HSBP1: variants seen among roughly 807,000 people sequenced by gnomAD.
HSBP1 encodes the protein heat shock factor binding protein 1.
A neutral mutation model predicts 9.6 loss-of-function variants in HSBP1; 5 were observed. The observed-to-expected ratio is 0.52, with a 90% CI of 0.27 to 1.09. HSBP1 has a LOEUF of 1.09. Among genes scored for constraint, HSBP1 ranks in the 50% least tolerant of loss-of-function variants. The probability of loss-of-function intolerance (pLI) is 0.11; values close to 1 mark genes in which losing one functional copy is unlikely to be tolerated. For missense variants in HSBP1, 121 were observed against 96.3 expected, an observed-to-expected ratio of 1.26 and a Z score of -1.07; for synonymous variants, 42 against 33.3, an observed-to-expected ratio of 1.26 and a Z score of -0.90.
Position 83,812,892 on chromosome 16 carries a change from C to T in HSBP1, c.*1474C>T, listed in dbSNP as rs1433057372. ...GGTTGCGGTTGTAGGAGAGTTGTGA[C>T]TTAGGCAGGAGTCGACCTCCTCAAG... On this transcript the variant is annotated 3_prime_UTR_variant, in exon 4 of 4. Coordinates refer to ENST00000433866, the MANE Select transcript of HSBP1 (RefSeq NM_001537.4). 6.6e-6 allele frequency: 1 copy of T among 152,190 alleles called. No homozygotes were observed. The highest frequency in any genetic ancestry group is 6.5e-5 in the Admixed American group (1 of 15,282). The allele number at this position is 152,190 out of a possible 1,614,324, so 9.4% of individuals were successfully genotyped here. A position where few individuals can be genotyped will look rare whatever the true frequency, so the allele number is the denominator to read the frequency against.
rs1219796343 is a variant in HSBP1 at position 83,814,414 on chromosome 16, A to G, written c.*2996A>G. ...CACAGCTGGTAATGATGACCCTGGA[A>G]TGTCCTCACAGCTGCACACCTGCAC... On this transcript the variant is annotated 3_prime_UTR_variant, in exon 4 of 4. Coordinates refer to ENST00000433866, the MANE Select transcript of HSBP1 (RefSeq NM_001537.4). 1.3e-5 allele frequency: 2 copies of G among 152,318 alleles called. No homozygotes were observed. The highest frequency in any genetic ancestry group is 4.8e-5 in the African/African-American group (2 of 41,452). 9.4% of individuals were successfully genotyped at this position (152,318 alleles called of 1,614,324 possible). A position where few individuals can be genotyped will look rare whatever the true frequency, so the allele number is the denominator to read the frequency against.
chr16:83,817,942 C>T lies in HSBP1; in HGVS notation c.*6524C>T, dbSNP rs1465016910. The T allele has an allele frequency of 1.3e-5, 2 of 152,186 alleles. No individual in the cohort carries two copies. The highest frequency in any genetic ancestry group is 2.9e-5 in the Non-Finnish European group (2 of 68,038). 9.4% of individuals were successfully genotyped at this position (152,186 alleles called of 1,614,324 possible). A position where few individuals can be genotyped will look rare whatever the true frequency, so the allele number is the denominator to read the frequency against. ...TGCCCTCAAAAGAAATCAGCCTTTCCCTTTGATAGGTATCTCTCCTGCAAG... is the reference window on the plus strand; with the variant it reads ...TGCCCTCAAAAGAAATCAGCCTTTCTCTTTGATAGGTATCTCTCCTGCAAG... On this transcript the variant is annotated 3_prime_UTR_variant, in exon 4 of 4. Transcript: ENST00000433866.
chr16:83,812,361 C>G lies in HSBP1; in HGVS notation c.*943C>G, dbSNP rs188369422. 8 of 152,262 alleles carry G rather than the reference C, an allele frequency of 5.3e-5. No homozygotes were observed. Among genetic ancestry groups the G allele is most frequent in the Non-Finnish European group, 1.0e-4 (7 of 68,022 alleles). 9.4% of individuals were successfully genotyped at this position (152,262 alleles called of 1,614,324 possible). On this transcript the variant is annotated 3_prime_UTR_variant, in exon 4 of 4. Transcript: ENST00000433866. The stretch of plus-strand genomic sequence containing the variant: ...AAACACTATTTTACTTAAACTGTTT[C>G]TTATCTAAATTCTTGCAGAGTGTCA...
chr16:83,808,653 GTGTT>G lies in HSBP1; in HGVS notation c.46-17_46-14del, dbSNP rs772447979. Reference sequence around the variant, plus strand: ...AGTTGTCTCAGGATCGATGTGGACCGTGTTTGTTTGTTTCGGTTTTTCTTAGGTG... The same window carrying G: ...AGTTGTCTCAGGATCGATGTGGACCGTGTTTGTTTCGGTTTTTCTTAGGTG... On this transcript the variant is annotated intron_variant, in intron 1 of 3. Coordinates refer to ENST00000433866, the MANE Select transcript of HSBP1 (RefSeq NM_001537.4). The G allele has an allele frequency of 1.5e-4, 235 of 1,592,122 alleles. No individual in the cohort carries two copies. In the East Asian group the frequency reaches 4.1e-3, roughly 28 times the overall value.
Position 83,817,328 on chromosome 16 carries a change from C to A in HSBP1, c.*5910C>A, listed in dbSNP as rs776937416. Reference sequence around the variant, plus strand: ...AATCCATGTGTCACGCATGCCCCAACAATTTGTGTCCCAACTGTTTGAATC... The same window carrying A: ...AATCCATGTGTCACGCATGCCCCAAAAATTTGTGTCCCAACTGTTTGAATC... On this transcript the variant is annotated 3_prime_UTR_variant, in exon 4 of 4. Transcript: ENST00000433866. 2.6e-5 allele frequency: 4 copies of A among 152,256 alleles called. No homozygotes were observed. The highest frequency in any genetic ancestry group is 4.8e-5 in the African/African-American group (2 of 41,468). The allele number at this position is 152,256 out of a possible 1,614,324, so 9.4% of individuals were successfully genotyped here.
rs915439573 is a variant in HSBP1 at position 83,814,551 on chromosome 16, C to G, written c.*3133C>G. 2 of 152,398 alleles carry G rather than the reference C, an allele frequency of 1.3e-5. No homozygotes were observed. The highest frequency in any genetic ancestry group is 1.3e-4 in the Admixed American group (2 of 15,306). 9.4% of individuals were successfully genotyped at this position (152,398 alleles called of 1,614,324 possible). A position where few individuals can be genotyped will look rare whatever the true frequency, so the allele number is the denominator to read the frequency against. ...ACTGCTCACGAACACAGCTGATCGT[C>G]TGCCTCTTCGTGTGAGCTGAGCTCC... On this transcript the variant is annotated 3_prime_UTR_variant, in exon 4 of 4. Transcript: ENST00000433866.
rs919024436 is a variant in HSBP1 at position 83,815,197 on chromosome 16, C to G, written c.*3779C>G. On this transcript the variant is annotated 3_prime_UTR_variant, in exon 4 of 4. Transcript: ENST00000433866. The stretch of plus-strand genomic sequence containing the variant: ...GCAAGTCACTGCCCAAAAACAAAAC[C>G]AGAGGAATTGTGATTGAACATTGCA... 2 of 151,966 alleles carry G rather than the reference C, an allele frequency of 1.3e-5. No homozygotes were observed. Among genetic ancestry groups the G allele is most frequent in the African/African-American group, 4.8e-5 (2 of 41,340 alleles). The allele number at this position is 151,966 out of a possible 1,614,324, so 9.4% of individuals were successfully genotyped here.
rs181909800 is a variant in HSBP1 at position 83,808,800 on chromosome 16, G to A, written c.112+54G>A. 1.1e-3 allele frequency: 1,354 copies of A among 1,286,732 alleles called. 2 individuals are homozygous for A. The highest frequency in any genetic ancestry group is 1.3e-3 in the Non-Finnish European group (1,195 of 900,816). 79.7% of individuals were successfully genotyped at this position (1,286,732 alleles called of 1,614,324 possible). A position where few individuals can be genotyped will look rare whatever the true frequency, so the allele number is the denominator to read the frequency against. ...TGTGGGCCTTTGGAGCCTATTTGCCGGGCAGTGGTGGGGATAAATGAGTAG... is the reference window on the plus strand; with the variant it reads ...TGTGGGCCTTTGGAGCCTATTTGCCAGGCAGTGGTGGGGATAAATGAGTAG... On this transcript the variant is annotated intron_variant, in intron 2 of 3. Coordinates refer to ENST00000433866, the MANE Select transcript of HSBP1 (RefSeq NM_001537.4).
chr16:83,808,596 C>G (rs1164001499), intron 1 of HSBP1, 84 bp from the exon 2 acceptor site: 1 of 1,108,292 alleles, frequency 9.0e-7, no homozygotes, highest in African/African-American at 1.6e-5. Flanking sequence ...GGCTGGAACC[C>G]CGGGACCAGG....
In HSBP1 at chr16:83,809,287, TG is replaced by T. The variant is rs778362930; in HGVS notation, c.113-17del. The T allele has an allele frequency of 6.0e-5, 89 of 1,485,676 alleles. No individual in the cohort carries two copies. In the African/African-American group the frequency reaches 1.1e-3, roughly 19 times the overall value. 92.0% of individuals were successfully genotyped at this position (1,485,676 alleles called of 1,614,324 possible). Reference sequence around the variant, plus strand: ...GGCTCAATGAGATGTTGGCACGCGTTGTCTTTAACTTCAGCACTTGATGATA... The same window carrying T: ...GGCTCAATGAGATGTTGGCACGCGTTTCTTTAACTTCAGCACTTGATGATA... On this transcript the variant is annotated splice_polypyrimidine_tract_variant and intron_variant, in intron 2 of 3. Coordinates refer to ENST00000433866, the MANE Select transcript of HSBP1 (RefSeq NM_001537.4).
Position 83,818,433 on chromosome 16 carries a change from T to C in HSBP1, c.*7015T>C, listed in dbSNP as rs1597257437. 1 of 152,234 alleles carries C rather than the reference T, an allele frequency of 6.6e-6. No homozygotes were observed. Among genetic ancestry groups the C allele is most frequent in the Non-Finnish European group, 1.5e-5 (1 of 68,052 alleles). 9.4% of individuals were successfully genotyped at this position (152,234 alleles called of 1,614,324 possible). ...ATTTCTTGGATTTATTCAAGCTGAC[T>C]TGTATTCCAGAACAATTGTGGACAA... On this transcript the variant is annotated 3_prime_UTR_variant, in exon 4 of 4. Transcript: ENST00000433866.
rs34576085 is a variant in HSBP1, at chr16:83,809,462, CTTTTTT to C, written c.*2+55_*2+60del. The C allele has an allele frequency of 5.2e-3, 2,129 of 406,508 alleles. 4 individuals carry two copies. The highest frequency in any genetic ancestry group is 0.034 in the African/African-American group (991 of 28,928). 25.2% of individuals were successfully genotyped at this position (406,508 alleles called of 1,614,324 possible). A position where few individuals can be genotyped will look rare whatever the true frequency, so the allele number is the denominator to read the frequency against. On this transcript the variant is annotated intron_variant, in intron 3 of 3. Coordinates refer to ENST00000433866, the MANE Select transcript of HSBP1 (RefSeq NM_001537.4). Reference sequence around the variant, plus strand: ...GGCAATTTTTTTTTTCTTTTCTTTTCTTTTTTTTTTTTTTTTTTTTTTTGACACGGA... The same window carrying C: ...GGCAATTTTTTTTTTCTTTTCTTTTCTTTTTTTTTTTTTTTTTGACACGGA...
chr16:83,818,351 A>G lies in HSBP1; in HGVS notation c.*6933A>G, dbSNP rs1904766744. Reference sequence around the variant, plus strand: ...AGACCCCATAGAAACTCTCTGGCACAAAAACTCTGGAATCACTGACCCCAG... The same window carrying G: ...AGACCCCATAGAAACTCTCTGGCACGAAAACTCTGGAATCACTGACCCCAG... On this transcript the variant is annotated 3_prime_UTR_variant, in exon 4 of 4. Transcript: ENST00000433866. 1 of 152,162 alleles carries G rather than the reference A, an allele frequency of 6.6e-6. No individual in the cohort carries two copies. The highest frequency in any genetic ancestry group is 6.5e-5 in the Admixed American group (1 of 15,274). The allele number at this position is 152,162 out of a possible 1,614,324, so 9.4% of individuals were successfully genotyped here.
intron 3 of HSBP1, among the ~76,000 whole-genome samples, chr16:83,809,751 A>T (rs1005525152): frequency 2.6e-5 from 4 of 151,780 alleles, no homozygotes; most frequent in African/African-American, 9.6e-5. Flanking sequence ...TACAGGTGTG[A>T]GCCGCCGTGC....
rs1904627187 is a variant in HSBP1, at chr16:83,812,676, C to G, written c.*1258C>G. The G allele has an allele frequency of 1.3e-5, 2 of 152,150 alleles. No individual in the cohort carries two copies. Among genetic ancestry groups the G allele is most frequent in the African/African-American group, 4.8e-5 (2 of 41,426 alleles). 9.4% of individuals were successfully genotyped at this position (152,150 alleles called of 1,614,324 possible). On this transcript the variant is annotated 3_prime_UTR_variant, in exon 4 of 4. Coordinates refer to ENST00000433866, the MANE Select transcript of HSBP1 (RefSeq NM_001537.4). Reference sequence around the variant, plus strand: ...GGGAACATAAAGGAGTGAGATCCTTCTGTGATAAAATGAATTCACCACTCT... The same window carrying G: ...GGGAACATAAAGGAGTGAGATCCTTGTGTGATAAAATGAATTCACCACTCT...
At chr16:83,808,289 C>A in intron 1 of HSBP1, 168 bp downstream of exon 1, 3 of 619,174 alleles carry the variant, frequency 4.8e-6, no homozygotes, top group Non-Finnish European at 8.2e-6. Flanking sequence ...CCCCGGGGCG[C>A]TCGGTGCGGG....
intron 3 of HSBP1, among the ~76,000 whole-genome samples, chr16:83,811,154 C>T (rs1309749321): frequency 6.6e-6 from 1 of 152,176 alleles, no homozygotes; most frequent in African/African-American, 2.4e-5. Context: ...CTGCCATCAA[C>T]TGACTGATTA....
rs561879245 is a variant in HSBP1 at position 83,816,530 on chromosome 16, C to G, written c.*5112C>G. 5.3e-5 allele frequency: 8 copies of G among 152,306 alleles called. 1 individual carries two copies. In the South Asian group the frequency reaches 1.7e-3, roughly 32 times the overall value. The allele number at this position is 152,306 out of a possible 1,614,324, so 9.4% of individuals were successfully genotyped here. On this transcript the variant is annotated 3_prime_UTR_variant, in exon 4 of 4. Transcript: ENST00000433866. ...TCTCCTAAGAGTGAAGAAAATGTTT[C>G]TTTGAAGGTGTTTCCACCCCACTCC...
Position 83,815,963 on chromosome 16 carries a change from G to A in HSBP1, c.*4545G>A, listed in dbSNP as rs1597256740. The A allele has an allele frequency of 1.3e-5, 2 of 152,244 alleles. No homozygotes were observed. Among genetic ancestry groups the A allele is most frequent in the East Asian group, 3.9e-4 (2 of 5,176 alleles). 9.4% of individuals were successfully genotyped at this position (152,244 alleles called of 1,614,324 possible). On this transcript the variant is annotated 3_prime_UTR_variant, in exon 4 of 4. Transcript: ENST00000433866. ...ATAATTAAGAATAGTCTGGATTCAG[G>A]ATCCAGCAGCTTAGAAGCGTTTAGC...
Sources: allele counts gnomAD v4.1 joint callset (sites outside exome capture counted in the v4.1 genomes callset), GRCh38; gene constraint gnomAD v4.1.1; transcripts MANE v1.5; gene names NCBI Gene and HGNC (gene_info 2026-07-23, HGNC 2026-07-21).